GCSAML: variants seen among roughly 807,000 people sequenced by gnomAD.
GCSAML encodes the protein germinal center associated signaling and motility like.
A neutral mutation model predicts 13.0 loss-of-function variants in GCSAML; 9 were observed. That is an observed-to-expected ratio of 0.69 (90% CI 0.42 to 1.21). The LOEUF is 1.21. Ranked by LOEUF, GCSAML falls within the 50% of genes most tolerant of loss-of-function variation. The pLI, the probability that GCSAML is intolerant of heterozygous loss-of-function variation, is 0.00. For missense variants in GCSAML, 143 were observed against 153.4 expected (o/e 0.93, Z 0.36); for synonymous variants, 37 against 52.9 (o/e 0.70, Z 1.31).
chr1:247,529,558 G>C (rs1378547083), intron 2 of GCSAML: 1 of 152,188 alleles, frequency 6.6e-6, no homozygotes, highest in Non-Finnish European at 1.5e-5. Context: ...CAAGACATGA[G>C]AGTGTCTCGT....
intron 2 of GCSAML, among the ~76,000 whole-genome samples, chr1:247,543,927 C>G (rs1362764025): frequency 6.6e-6 from 1 of 152,144 alleles, no homozygotes; most frequent in African/African-American, 2.4e-5. Flanking sequence ...GTAGCTGGGA[C>G]TGACTACAAG....
intron 1 of GCSAML, among the ~76,000 whole-genome samples, chr1:247,516,947 C>T (rs1666232817): frequency 6.6e-6 from 1 of 152,162 alleles, no homozygotes; most frequent in East Asian, 1.9e-4. Flanking sequence ...ATTTAGTTTG[C>T]TTTCACGAAG....
At chr1:247,556,013 C>A (rs1667933279) in intron 1 of GCSAML, among the ~76,000 whole-genome samples, 1 of 152,210 alleles carries the variant, frequency 6.6e-6, no homozygotes, top group East Asian at 1.9e-4. Context: ...GACTGGCAGT[C>A]CTCATAGTCC....
chr1:247,510,396 T>C (rs905486411), intron 1 of GCSAML, among the ~76,000 whole-genome samples: 5 of 152,320 alleles, frequency 3.3e-5, no homozygotes, highest in Non-Finnish European at 4.4e-5. Flanking sequence ...TTTTCTCTCT[T>C]TCCTTCTTTA....
intron 1 of GCSAML, among the ~76,000 whole-genome samples, 165 bp downstream of exon 1, chr1:247,549,385 T>C (rs1248551038): frequency 1.3e-5 from 2 of 152,186 alleles, no homozygotes; most frequent in Admixed American, 6.5e-5. Flanking sequence ...TGGCTCCTTC[T>C]CTTGCCTTAC....
At chr1:247,558,477 C>A (rs967000510) in intron 2 of GCSAML, among the ~76,000 whole-genome samples, 2 of 152,164 alleles carry the variant, frequency 1.3e-5, no homozygotes, top group African/African-American at 4.8e-5. Flanking sequence ...AAAACATACT[C>A]AGTCATGTAG....
chr1:247,564,981 C>G (rs1328333154), intron 3 of GCSAML, among the ~76,000 whole-genome samples: 1 of 152,114 alleles, frequency 6.6e-6, no homozygotes, highest in Non-Finnish European at 1.5e-5. Context: ...ATCTAGACAT[C>G]AAAAGCAATT....
At chr1:247,513,982 C>G (rs545332083) in intron 1 of GCSAML, among the ~76,000 whole-genome samples, 3 of 151,960 alleles carry the variant, frequency 2.0e-5, no homozygotes, top group African/African-American at 7.2e-5. Context: ...CACAACCCCC[C>G]CACCGCCTTT....
intron 1 of GCSAML, among the ~76,000 whole-genome samples, chr1:247,509,447 G>A (rs1366058401): frequency 1.3e-5 from 2 of 152,186 alleles, no homozygotes; most frequent in Non-Finnish European, 2.9e-5. Flanking sequence ...CATGTCATCT[G>A]CAAACAGAGA....
upstream of GCSAML, among the ~76,000 whole-genome samples, chr1:247,546,546 G>A (rs1042281342): frequency 3.4e-4 from 51 of 151,732 alleles, no homozygotes; most frequent in South Asian, 1.3e-3. Flanking sequence ...TTTTTTTAGT[G>A]GAGACAGGGT....
At chr1:247,569,333 A>C (rs1668511300) in intron 4 of GCSAML, among the ~76,000 whole-genome samples, 1 of 152,034 alleles carries the variant, frequency 6.6e-6, no homozygotes, top group Non-Finnish European at 1.5e-5. Context: ...TATGATGTTG[A>C]CTGTAGGTTT....
In GCSAML at chr1:247,534,705, T is replaced by G. The variant is rs564563741; in HGVS notation, c.-148+7651T>G. Among the ~76,000 whole-genome samples, 13 of 152,320 alleles carry G rather than the reference T, an allele frequency of 8.5e-5. No individual in the cohort carries two copies. The South Asian group carries it at 2.7e-3, about 32-fold the overall frequency. ...GGAACAGAGCAGCTGTGAACTTAAC[T>G]ATCAGCCTTCTTAAAATCCCAGAGA... On this transcript the variant is annotated intron_variant, in intron 2 of 5. Transcript: ENST00000366489.
intron 1 of GCSAML, chr1:247,519,138 C>T (rs1035221585): frequency 6.6e-6 from 1 of 152,256 alleles, no homozygotes; most frequent in African/African-American, 2.4e-5. Context: ...GGCGTTCTCT[C>T]TTTCAGGGGT....
chr1:247,508,235 T>C (rs1345108806), intron 1 of GCSAML, among the ~76,000 whole-genome samples: 22 of 152,374 alleles, frequency 1.4e-4, no homozygotes, highest in Non-Finnish European at 2.9e-5. Flanking sequence ...TATCTCATTG[T>C]GGTTTTGATT....
chr1:247,515,051 A>T (rs1666166500), intron 1 of GCSAML, among the ~76,000 whole-genome samples: 1 of 152,202 alleles, frequency 6.6e-6, no homozygotes, highest in Non-Finnish European at 1.5e-5. Flanking sequence ...TGCTTTTGGC[A>T]GTATGGTCAT....
At chr1:247,552,010 CAG>C (rs1667794103) in intron 1 of GCSAML, among the ~76,000 whole-genome samples, 1 of 152,142 alleles carries the variant, frequency 6.6e-6, no homozygotes, top group Admixed American at 6.5e-5. Context: ...GGTTCTTACA[CAG>C]AAAGATACAG....
intron 2 of GCSAML, chr1:247,538,658 C>CT (rs1342987791): frequency 2.3e-6 from 1 of 440,462 alleles, no homozygotes; most frequent in Non-Finnish European, 4.5e-6. Flanking sequence ...CAGTCTCTTT[C>CT]TTTCCACACA....
chr1:247,515,809 C>T (rs1666191556), intron 1 of GCSAML, among the ~76,000 whole-genome samples: 2 of 152,160 alleles, frequency 1.3e-5, no homozygotes, highest in South Asian at 4.1e-4. Context: ...CCACTAGGCC[C>T]CTCCTCCAAT....
upstream of GCSAML, among the ~76,000 whole-genome samples, chr1:247,546,269 C>T (rs565312102): frequency 2.0e-5 from 3 of 152,272 alleles, no homozygotes; most frequent in Non-Finnish European, 2.9e-5. Context: ...AACTCCTGGG[C>T]TCAAGCAATC....
Sources: gnomAD v4.1 joint callset for allele counts (sites outside exome capture counted in the v4.1 genomes callset) on GRCh38, gnomAD v4.1.1 for gene constraint, MANE v1.5 for transcripts, NCBI Gene and HGNC (gene_info 2026-07-23, HGNC 2026-07-21) for gene names.